LAMB4: variants seen among roughly 807,000 people sequenced by gnomAD.
LAMB4 encodes the protein laminin subunit beta 4.
LAMB4 carries 196 observed loss-of-function variants against 199.2 expected under a neutral mutation model. The ratio of observed to expected loss-of-function variants is 0.98; its 90% CI spans 0.88 to 1.11. The LOEUF is 1.11. Among genes scored for constraint, LAMB4 ranks in the 50% least tolerant of loss-of-function variants. The probability of loss-of-function intolerance (pLI) is 0.00; values close to 1 mark genes in which losing one functional copy is unlikely to be tolerated. For synonymous variants in LAMB4, 744 were observed against 770.6 expected (o/e 0.97, Z 0.57); for missense variants, 2,080 against 2,171.2 (o/e 0.96, Z 0.83).
At chr7:108,022,058 G>C (rs958721173), downstream of LAMB4, among the ~76,000 whole-genome samples, 12 of 152,182 alleles carry the variant, frequency 7.9e-5, no homozygotes, top group African/African-American at 2.9e-4. Flanking sequence ...GAGTGTCCAA[G>C]GAGGACAGCA....
chr7:108,084,892 C>G (rs2037108880), intron 14 of LAMB4, among the ~76,000 whole-genome samples: 1 of 146,738 alleles, frequency 6.8e-6, no homozygotes, highest in South Asian at 2.2e-4. Context: ...CACCAGCACA[C>G]ATCATCACAC....
At chr7:108,077,663 T>C (rs893958665) in intron 16 of LAMB4, among the ~76,000 whole-genome samples, 1 of 152,020 alleles carries the variant, frequency 6.6e-6, no homozygotes, top group African/African-American at 2.4e-5. Flanking sequence ...CATTGCACTC[T>C]AGCCTGGGCA....
At chr7:108,095,460 G>A in intron 11 of LAMB4, 123 bp from the exon 12 acceptor site, 1 of 685,722 alleles carries the variant, frequency 1.5e-6, no homozygotes, top group Non-Finnish European at 2.5e-6. Flanking sequence ...GCCCTGCCAG[G>A]TTTATTGTGT....
downstream of LAMB4, among the ~76,000 whole-genome samples, chr7:108,020,054 G>C (rs1039264350): frequency 2.0e-5 from 3 of 152,022 alleles, no homozygotes; most frequent in Non-Finnish European, 4.4e-5. Context: ...GTTCAAACGT[G>C]GGCTCTCTGA....
chr7:108,079,720 G>T lies in LAMB4; in HGVS notation c.1768C>A (p.Pro590Thr). The T allele has an allele frequency of 6.2e-7, 1 of 1,610,914 alleles. No homozygotes were observed. Among genetic ancestry groups the T allele is most frequent in the Non-Finnish European group, 8.5e-7 (1 of 1,178,800 alleles). ...AATCCAGGTCCAGTCCATGTAACAG[G>T]GTTCCCAGGAACTGGCTCTCCTAAA... ...VVLGEPVPGN[P>T]VTWTGPGFAR... The change falls in exon 15 of 34, where the codon CCT (proline) becomes ACT (threonine). Residue 590 changes from proline to threonine, a missense_variant. Coordinates refer to ENST00000388781, the MANE Select transcript of LAMB4 (RefSeq NM_007356.3).
chr7:108,022,942 G>C (rs1190417005), downstream of LAMB4, among the ~76,000 whole-genome samples: 1 of 152,032 alleles, frequency 6.6e-6, no homozygotes, highest in Non-Finnish European at 1.5e-5. Flanking sequence ...CCTCTGAGTA[G>C]CTGGGATTAC....
At chr7:108,037,734 G>C in intron 29 of LAMB4, 139 bp from the exon 30 acceptor site, 1 of 644,338 alleles carries the variant, frequency 1.6e-6, no homozygotes, top group East Asian at 2.7e-5. Context: ...TTAGATTGTA[G>C]CTTCCTATAG....
intron 14 of LAMB4, among the ~76,000 whole-genome samples, chr7:108,088,187 G>T (rs191696141): frequency 6.7e-6 from 1 of 148,514 alleles, no homozygotes; most frequent in Non-Finnish European, 1.5e-5. Flanking sequence ...TTTTGGGAGA[G>T]AGTCTCCCTC....
At chr7:108,031,462 G>A (rs577732501) in intron 31 of LAMB4, among the ~76,000 whole-genome samples, 2 of 149,542 alleles carry the variant, frequency 1.3e-5, no homozygotes, top group Non-Finnish European at 3.0e-5. Context: ...CATTAACAAT[G>A]AGCTAAGGCC....
intron 28 of LAMB4, among the ~76,000 whole-genome samples, chr7:108,045,552 A>G (rs1490278007): frequency 2.0e-5 from 3 of 152,260 alleles, no homozygotes; most frequent in African/African-American, 7.2e-5. Context: ...TTTAACACTG[A>G]TAGCTTAACA....
chr7:108,113,812 G>A (rs2038315353), intron 3 of LAMB4, among the ~76,000 whole-genome samples: 1 of 152,184 alleles, frequency 6.6e-6, no homozygotes, highest in African/African-American at 2.4e-5. Flanking sequence ...TGAACAAAAT[G>A]TTTTGCTTGG....
At chr7:108,028,633 C>T (rs57173830) in intron 33 of LAMB4, among the ~76,000 whole-genome samples, 3 of 151,948 alleles carry the variant, frequency 2.0e-5, no homozygotes, top group African/African-American at 2.4e-5. Context: ...CCCACCACCA[C>T]GCCTGGCTAA....
chr7:108,104,751 A>G, intron 8 of LAMB4, 132 bp from the exon 9 acceptor site: 1 of 952,146 alleles, frequency 1.1e-6, no homozygotes, highest in Non-Finnish European at 1.5e-6. Context: ...TAATTACAAT[A>G]CCAACCTTGA....
chr7:108,126,901 T>C (rs2038808800), intron 1 of LAMB4, among the ~76,000 whole-genome samples: 1 of 152,094 alleles, frequency 6.6e-6, no homozygotes, highest in African/African-American at 2.4e-5. Context: ...AATATACCAT[T>C]GTATGCACCT....
rs771415950 is a variant in LAMB4 at position 108,055,939 on chromosome 7, G to C, written c.3448C>G (p.Arg1150Gly). Residue 1150 changes from arginine to glycine, a missense_variant, in exon 25 of 34, where the codon CGG becomes GGG. Physicochemically the swap from Arg to Gly is moderately radical, Grantham distance 125. Transcript: ENST00000388781. ...CATCTCTGGCCGCTGACACCCTCCC[G>C]GCAGCGGCACATGCCTGTGTCTGGA... is the stretch of plus-strand genomic sequence containing the variant. ...CDPDTGMCRC[R>G]EGVSGQRCDR... is the part of the protein sequence containing the mutation. The C allele has an allele frequency of 6.2e-7, 1 of 1,614,020 alleles. No individual in the cohort carries two copies. The highest frequency in any genetic ancestry group is 1.3e-5 in the African/African-American group (1 of 74,920).
intron 4 of LAMB4, among the ~76,000 whole-genome samples, chr7:108,110,863 T>A (rs1280030463): frequency 6.6e-6 from 1 of 152,186 alleles, no homozygotes; most frequent in Non-Finnish European, 1.5e-5. Flanking sequence ...ACACAGTCAA[T>A]CATTGGTCAA....
Position 108,043,767 on chromosome 7 carries a change from T to C in LAMB4, c.4456A>G (p.Lys1486Glu), listed in dbSNP as rs1217790741. Reference sequence around the variant, plus strand: ...TTTAAATTACCTAACAAAAAGTTTTTCACTTTTTTGATGAAAAGATTGATG... The same window carrying C: ...TTTAAATTACCTAACAAAAAGTTTTCCACTTTTTTGATGAAAAGATTGATG... ...ENINLFIKKV[K>E]NFLLEENVPP... The change falls in exon 29 of 34, where the codon AAA (lysine) becomes GAA (glutamate). Residue 1486 changes from lysine (K) to glutamate (E), a missense_variant. Physicochemically the swap from Lys to Glu is moderately conservative, Grantham distance 56. Transcript: ENST00000388781. The C allele has an allele frequency of 7.0e-6, 11 of 1,579,892 alleles. No individual in the cohort carries two copies. Among genetic ancestry groups the C allele is most frequent in the Non-Finnish European group, 9.5e-6 (11 of 1,161,648 alleles).
chr7:108,042,937 CTGTGTGTGTG>C (rs754739499), intron 29 of LAMB4, among the ~76,000 whole-genome samples: 29 of 140,392 alleles, frequency 2.1e-4, no homozygotes, highest in African/African-American at 6.3e-4. Flanking sequence ...CTCTCAATCT[CTGTGTGTGTG>C]TGTGTGTGTG....
intron 23 of LAMB4, among the ~76,000 whole-genome samples, chr7:108,058,514 T>TGGAAAATTAACAGG (rs1479740300): frequency 6.6e-6 from 1 of 152,238 alleles, no homozygotes; most frequent in Non-Finnish European, 1.5e-5. Flanking sequence ...CTGAGGAGGT[T>TGGAAAATTAACAGG]GGAAAATTAA....
Sources: gnomAD v4.1 joint callset for allele counts (sites outside exome capture counted in the v4.1 genomes callset) on GRCh38, gnomAD v4.1.1 for gene constraint, MANE v1.5 for transcripts, NCBI Gene and HGNC (gene_info 2026-07-23, HGNC 2026-07-21) for gene names.